The following CPED1 variants were observed in gnomAD, a reference collection of about 807,000 sequenced individuals.
CPED1 encodes the protein cadherin-like and PC-esterase domain-containing protein 1.
A neutral mutation model predicts 128.2 loss-of-function variants in CPED1; 114 were observed. The ratio of observed to expected loss-of-function variants is 0.89; its 90% CI spans 0.76 to 1.04. The LOEUF is 1.04. Among genes scored for constraint, CPED1 ranks in the 50% least tolerant of loss-of-function variants. CPED1 has a pLI of 0.00. For synonymous variants in CPED1, 462 were observed against 426.7 expected (o/e 1.08, Z -1.02); for missense variants, 1,211 against 1,207.1 (o/e 1.00, Z -0.05).
chr7:121,093,035 G>A (rs528239577), intron 5 of CPED1, among the ~76,000 whole-genome samples: 163 of 152,132 alleles, frequency 1.1e-3, no homozygotes, highest in African/African-American at 3.7e-3. Context: ...GAAGATTTTT[G>A]TTCTCTTCTA....
At chr7:121,171,255 C>T (rs1796643727) in intron 16 of CPED1, among the ~76,000 whole-genome samples, 1 of 152,134 alleles carries the variant, frequency 6.6e-6, no homozygotes. Flanking sequence ...ATTAAAATTA[C>T]TCAAACTTAA....
chr7:121,244,197 T>A lies in CPED1; in HGVS notation c.2174-5T>A. 6.2e-7 allele frequency: 1 copy of A among 1,614,148 alleles called. No individual in the cohort carries two copies. Among genetic ancestry groups the A allele is most frequent in the Non-Finnish European group, 8.5e-7 (1 of 1,180,012 alleles). ...AACCAAAGAAAGTTTTGCCATCTATTCCAGGCCAGTGGATTGTGCCTTGCC... is the reference window on the plus strand; with the variant it reads ...AACCAAAGAAAGTTTTGCCATCTATACCAGGCCAGTGGATTGTGCCTTGCC... On this transcript the variant is annotated splice_polypyrimidine_tract_variant and splice_region_variant and intron_variant, in intron 17 of 22. Coordinates refer to ENST00000310396, the MANE Select transcript of CPED1 (RefSeq NM_024913.5).
chr7:121,202,497 C>T (rs1191733344), intron 16 of CPED1, among the ~76,000 whole-genome samples: 1 of 152,064 alleles, frequency 6.6e-6, no homozygotes, highest in South Asian at 2.1e-4. Flanking sequence ...ATTGTGATCA[C>T]CATTAGGTCA....
intron 3 of CPED1, among the ~76,000 whole-genome samples, chr7:121,045,510 AT>A (rs1286859531): frequency 6.6e-6 from 1 of 152,198 alleles, no homozygotes; most frequent in African/African-American, 2.4e-5. Flanking sequence ...CCTCTTCCTT[AT>A]TAATACTTTT....
chr7:121,124,886 C>T (rs1195666814), intron 8 of CPED1, among the ~76,000 whole-genome samples: 1 of 152,160 alleles, frequency 6.6e-6, no homozygotes, highest in East Asian at 1.9e-4. Context: ...TAAGAAAATT[C>T]AATAACTCCT....
intron 16 of CPED1, among the ~76,000 whole-genome samples, chr7:121,203,418 T>C (rs960499458): frequency 5.3e-5 from 8 of 152,142 alleles, no homozygotes; most frequent in Non-Finnish European, 1.2e-4. Flanking sequence ...AATCTTTATC[T>C]TTGTGACTCC....
chr7:121,105,132 C>T (rs944794189), intron 7 of CPED1, among the ~76,000 whole-genome samples: 32 of 151,984 alleles, frequency 2.1e-4, no homozygotes, highest in African/African-American at 6.8e-4. Flanking sequence ...AGCAAATGTG[C>T]ACAGAGGGCA....
At chr7:121,157,475 C>T (rs1222096694) in intron 16 of CPED1, among the ~76,000 whole-genome samples, 1 of 152,114 alleles carries the variant, frequency 6.6e-6, no homozygotes, top group East Asian at 1.9e-4. Context: ...GTGTTTCTAG[C>T]TGTAGGATTG....
chr7:121,122,139 A>T (rs371424272), intron 7 of CPED1, among the ~76,000 whole-genome samples: 8 of 127,282 alleles, frequency 6.3e-5, no homozygotes, highest in Middle Eastern at 4.2e-3. Context: ...ACTCATCTGG[A>T]TTTTTTTTTT....
chr7:121,224,505 G>A (rs1429672074), intron 16 of CPED1, among the ~76,000 whole-genome samples: 2 of 152,064 alleles, frequency 1.3e-5, no homozygotes, highest in East Asian at 3.9e-4. Flanking sequence ...TTCAAGTCCT[G>A]GATATCCTTG....
At chr7:121,138,249 C>G (rs187678431) in intron 14 of CPED1, among the ~76,000 whole-genome samples, 1 of 151,976 alleles carries the variant, frequency 6.6e-6, no homozygotes, top group Non-Finnish European at 1.5e-5. Context: ...CCATTAAAAG[C>G]GACCAAAACT....
At chr7:121,271,839 AT>A (rs1294010261) in intron 22 of CPED1, among the ~76,000 whole-genome samples, 1 of 152,134 alleles carries the variant, frequency 6.6e-6, no homozygotes, top group Non-Finnish European at 1.5e-5. Context: ...ACCTTCTTTC[AT>A]TGCCTTGTCC....
intron 7 of CPED1, among the ~76,000 whole-genome samples, chr7:121,113,705 G>C (rs1053605578): frequency 1.3e-5 from 2 of 152,126 alleles, no homozygotes; most frequent in African/African-American, 4.8e-5. Context: ...GAGTAGGTTA[G>C]ACCAGATGAA....
At chr7:121,276,344 T>G (rs1013055059) in intron 22 of CPED1, among the ~76,000 whole-genome samples, 1 of 152,116 alleles carries the variant, frequency 6.6e-6, no homozygotes, top group Non-Finnish European at 1.5e-5. Flanking sequence ...TACCAAATCC[T>G]GTTTACAAGC....
chr7:121,276,005 C>T (rs1285220780), intron 22 of CPED1, among the ~76,000 whole-genome samples: 2 of 150,660 alleles, frequency 1.3e-5, no homozygotes, highest in African/African-American at 4.9e-5. Flanking sequence ...ACATAGTTAG[C>T]TGATATAGAA....
chr7:121,148,885 T>G (rs1796087908), intron 16 of CPED1, among the ~76,000 whole-genome samples: 1 of 152,172 alleles, frequency 6.6e-6, no homozygotes, highest in South Asian at 2.1e-4. Flanking sequence ...TTGTTTTCTT[T>G]CTGCTTTGAA....
intron 16 of CPED1, among the ~76,000 whole-genome samples, chr7:121,160,710 G>A (rs190148546): frequency 4.9e-4 from 75 of 152,262 alleles, no homozygotes; most frequent in Middle Eastern, 3.4e-3. Context: ...TCAGGAATTC[G>A]AGGTAGAGCT....
chr7:121,248,383 C>A (rs746902493), intron 18 of CPED1, among the ~76,000 whole-genome samples: 3 of 152,110 alleles, frequency 2.0e-5, no homozygotes, highest in Admixed American at 6.6e-5. Flanking sequence ...TTAAAGGGGG[C>A]TCCCCAAAGA....
In CPED1 at chr7:121,245,614, C is replaced by CT. The variant is rs561144824; in HGVS notation, c.2310+1282dup. Reference sequence around the variant, plus strand: ...GCAGCTAAGGTAGATATTATCATATCTTTTTTCTGCTTAAGATAAGTAAAG... The same window carrying CT: ...GCAGCTAAGGTAGATATTATCATATCTTTTTTTCTGCTTAAGATAAGTAAAG... On this transcript the variant is annotated intron_variant, in intron 18 of 22. Transcript: ENST00000310396. Among the ~76,000 whole-genome samples, 197 of 151,820 alleles carry CT rather than the reference C, an allele frequency of 1.3e-3. 2 individuals are homozygous for CT. The highest frequency in any genetic ancestry group is 4.6e-3 in the African/African-American group (190 of 41,394).
Sources: gnomAD v4.1 joint callset for allele counts (sites outside exome capture counted in the v4.1 genomes callset) on GRCh38, gnomAD v4.1.1 for gene constraint, MANE v1.5 for transcripts, NCBI Gene and HGNC (gene_info 2026-07-23, HGNC 2026-07-21) for gene names.